Variants in EDEM3 observed in about 807,000 individuals in gnomAD.
EDEM3 encodes the protein ER degradation enhancing alpha-mannosidase like protein 3, also known as ER degradation-enhancing alpha-mannosidase-like protein 3.
A neutral mutation model predicts 110.2 loss-of-function variants in EDEM3; 60 were observed. That is an observed-to-expected ratio of 0.54 (90% CI 0.44 to 0.67). The LOEUF (loss-of-function observed/expected upper bound fraction) is 0.67, where lower values mean the gene tolerates loss of function less well. Ranked by LOEUF, EDEM3 falls within the 30% of genes least tolerant of loss-of-function variation. The pLI is 0.00. For missense variants in EDEM3, 996 were observed against 1,121.0 expected (o/e 0.89, Z 1.59); for synonymous variants, 352 against 382.9 (o/e 0.92, Z 0.94).
At chr1:184,716,433 C>T (rs1387583603) in intron 13 of EDEM3, among the ~76,000 whole-genome samples, 1 of 152,120 alleles carries the variant, frequency 6.6e-6, no homozygotes, top group African/African-American at 2.4e-5. Context: ...ACAGAAACTA[C>T]CACTGGTCTT....
intron 15 of EDEM3, 122 bp downstream of exon 15, chr1:184,711,601 A>G: frequency 1.3e-6 from 1 of 747,048 alleles, no homozygotes; most frequent in Non-Finnish European, 2.0e-6. Flanking sequence ...TGATAGCTAC[A>G]TACCTCAACA....
At chr1:184,721,135 C>T (rs532500387) in intron 9 of EDEM3, 154 bp downstream of exon 9, 12 of 601,902 alleles carry the variant, frequency 2.0e-5, no homozygotes, top group African/African-American at 1.2e-4. Flanking sequence ...TCACTTTTTA[C>T]GCTGTCCCTG....
chr1:184,719,234 C>A lies in EDEM3; in HGVS notation c.1089G>T (p.Gly363=). The part of the protein sequence containing the change: ...AFFPGLQVLK[G]DIRPAIETHE... ...GAGTTTCAATAGCAGGTCTAATATC[C>A]CCCTTTAACACCTAGAAATCAACAA... Residue 363 remains glycine, a synonymous_variant, in exon 11 of 20, where the codon GGG becomes GGT. Transcript: ENST00000318130. 6.4e-7 allele frequency: 1 copy of A among 1,567,090 alleles called. No homozygotes were observed. The highest frequency in any genetic ancestry group is 1.2e-5 in the South Asian group (1 of 83,760).
intron 19 of EDEM3, among the ~76,000 whole-genome samples, chr1:184,698,967 C>A (rs139080605): frequency 1.9e-4 from 29 of 151,906 alleles, no homozygotes; most frequent in African/African-American, 7.0e-4. Context: ...CACATTGCTA[C>A]AAATCTTGAT....
chr1:184,726,120 T>C (rs1651176627), intron 7 of EDEM3, 135 bp downstream of exon 7: 1 of 1,229,282 alleles, frequency 8.1e-7, no homozygotes, highest in Admixed American at 2.6e-5. Context: ...AAAAACCATG[T>C]AAAGGAATTT....
intron 19 of EDEM3, among the ~76,000 whole-genome samples, chr1:184,697,278 T>A (rs988922645): frequency 4.6e-5 from 7 of 151,896 alleles, no homozygotes; most frequent in African/African-American, 1.7e-4. Context: ...TCTTAATATT[T>A]AACATTTTCC....
intron 11 of EDEM3, 56 bp downstream of exon 11, chr1:184,719,106 G>T: frequency 1.1e-6 from 1 of 935,320 alleles, no homozygotes; most frequent in Non-Finnish European, 1.6e-6. Flanking sequence ...ATGTGTACGT[G>T]TGTGTGTGTG....
chr1:184,706,202 G>A (rs1366298330), intron 18 of EDEM3, among the ~76,000 whole-genome samples: 1 of 152,132 alleles, frequency 6.6e-6, no homozygotes, highest in African/African-American at 2.4e-5. Flanking sequence ...AGGTTACACT[G>A]CAATTTTGTG....
chr1:184,748,217 T>A (rs1024059687), intron 2 of EDEM3, among the ~76,000 whole-genome samples: 1 of 151,742 alleles, frequency 6.6e-6, no homozygotes, highest in Non-Finnish European at 1.5e-5. Flanking sequence ...GAGGCAGAGG[T>A]GGGCAGATCA....
At chr1:184,740,508 A>G (rs992463653) in intron 2 of EDEM3, among the ~76,000 whole-genome samples, 2 of 152,228 alleles carry the variant, frequency 1.3e-5, no homozygotes, top group Non-Finnish European at 2.9e-5. Flanking sequence ...ATCAGTGATC[A>G]ATCACATTAC....
intron 16 of EDEM3, among the ~76,000 whole-genome samples, chr1:184,708,710 A>T (rs983101608): frequency 6.6e-6 from 1 of 152,262 alleles, no homozygotes; most frequent in African/African-American, 2.4e-5. Flanking sequence ...TCCTTGAAAT[A>T]GTGAACAACC....
chr1:184,695,259 A>G (rs1284026689), intron 19 of EDEM3, among the ~76,000 whole-genome samples: 1 of 152,044 alleles, frequency 6.6e-6, no homozygotes, highest in Non-Finnish European at 1.5e-5. Context: ...GCCAGCAAAT[A>G]TCCTCCAAGT....
intron 2 of EDEM3, among the ~76,000 whole-genome samples, chr1:184,747,529 G>A (rs948319961): frequency 1.3e-5 from 2 of 152,162 alleles, no homozygotes; most frequent in African/African-American, 4.8e-5. Flanking sequence ...ATTGAATATA[G>A]AAGAAGTACA....
intron 19 of EDEM3, among the ~76,000 whole-genome samples, chr1:184,699,179 CCATTCATT>C (rs543459373): frequency 1.6e-4 from 24 of 151,560 alleles, no homozygotes; most frequent in Non-Finnish European, 2.2e-4. Flanking sequence ...TGTTTTAGAA[CCATTCATT>C]CATTCATTCA....
At chr1:184,741,825 T>C (rs184526839) in intron 2 of EDEM3, among the ~76,000 whole-genome samples, 5 of 152,336 alleles carry the variant, frequency 3.3e-5, no homozygotes, top group South Asian at 2.1e-4. Context: ...GAAGAAAAAT[T>C]TGAATGGTTA....
rs774924847 is a variant in EDEM3, at chr1:184,734,623, T to A, written c.366A>T (p.Glu122Asp). The A allele has an allele frequency of 6.7e-7, 1 of 1,490,868 alleles. No homozygotes were observed. Among genetic ancestry groups the A allele is most frequent in the Non-Finnish European group, 9.1e-7 (1 of 1,095,576 alleles). 92.4% of individuals were successfully genotyped at this position (1,490,868 alleles called of 1,614,324 possible). A position where few individuals can be genotyped will look rare whatever the true frequency, so the allele number is the denominator to read the frequency against. Residue 122 changes from glutamate to aspartate, a missense_variant, in exon 5 of 20, where the codon GAA becomes GAT. Physicochemically the swap from Glu to Asp is conservative, Grantham distance 45. Coordinates refer to ENST00000318130, the MANE Select transcript of EDEM3 (RefSeq NM_025191.4). ...AAACTTTTCTCACTGCATCTTCAAA[T>A]TCTTTAGTTTTATTTAAAACCTGGG... ...DTLVVLNKTKEFEDAVRKVLR... is the reference protein window; with the variant it reads ...DTLVVLNKTKDFEDAVRKVLR...
rs1291777195 is a variant in EDEM3, at chr1:184,716,950, A to G, written c.1308T>C (p.Tyr436=). The part of the protein sequence containing the change: ...GKTLIENLNK[Y]ARVPCGFAAM... ...CAGCAAATCCGCAAGGCACTCTAGCATATTTATTTAAATTTTCAATAAGTG... is the reference window on the plus strand; with the variant it reads ...CAGCAAATCCGCAAGGCACTCTAGCGTATTTATTTAAATTTTCAATAAGTG... The change falls in exon 13 of 20, where the codon TAT becomes TAC. Residue 436 remains tyrosine (Y), a synonymous_variant. Transcript: ENST00000318130. 1.9e-6 allele frequency: 3 copies of G among 1,613,150 alleles called. No individual in the cohort carries two copies. Among genetic ancestry groups the G allele is most frequent in the East Asian group, 2.2e-5 (1 of 44,848 alleles).
At chr1:184,726,565 T>C (rs113831420) in intron 6 of EDEM3, among the ~76,000 whole-genome samples, 176 bp from the exon 7 acceptor site, 27 of 152,360 alleles carry the variant, frequency 1.8e-4, no homozygotes, top group African/African-American at 6.0e-4. Context: ...GGGAAATATA[T>C]TCTAAGCATA....
At chr1:184,709,733 T>A (rs892217577) in intron 16 of EDEM3, among the ~76,000 whole-genome samples, 1 of 152,106 alleles carries the variant, frequency 6.6e-6, no homozygotes, top group African/African-American at 2.4e-5. Flanking sequence ...GGCAAGAATA[T>A]GGATGAGATG....
Sources: allele counts gnomAD v4.1 joint callset (sites outside exome capture counted in the v4.1 genomes callset), GRCh38; gene constraint gnomAD v4.1.1; transcripts MANE v1.5; gene names NCBI Gene and HGNC (gene_info 2026-07-23, HGNC 2026-07-21).